LAMA2: variants seen among roughly 807,000 people sequenced by gnomAD.
The protein encoded by LAMA2 is laminin subunit alpha 2.
Under a neutral mutation model 364.8 loss-of-function variants are expected in LAMA2, and 269 were observed. The ratio of observed to expected loss-of-function variants is 0.74; its 90% CI spans 0.67 to 0.82. LAMA2 has a LOEUF of 0.82. LAMA2 is among the 40% of genes least tolerant of loss of function. The pLI is 0.00. For synonymous variants in LAMA2, 1,379 were observed against 1,370.6 expected, an observed-to-expected ratio of 1.01 and a Z score of -0.14; for missense variants, 3,807 against 3,873.2, an observed-to-expected ratio of 0.98 and a Z score of 0.45.
chr6:129,336,198 C>T (rs1378842959), intron 29 of LAMA2, among the ~76,000 whole-genome samples: 1 of 152,096 alleles, frequency 6.6e-6, no homozygotes, highest in Non-Finnish European at 1.5e-5. Context: ...ATGGCTCATG[C>T]CTGTAATCCT....
At chr6:129,376,328 A>G (rs952810657) in intron 34 of LAMA2, among the ~76,000 whole-genome samples, 1 of 152,182 alleles carries the variant, frequency 6.6e-6, no homozygotes, top group African/African-American at 2.4e-5. Flanking sequence ...TATGGCATTC[A>G]TCTCTACTAC....
chr6:129,113,875 A>G (rs530396486), intron 4 of LAMA2, among the ~76,000 whole-genome samples: 116 of 152,118 alleles, frequency 7.6e-4, no homozygotes, highest in Non-Finnish European at 1.4e-3. Context: ...AAGGCCCTAC[A>G]CTAGGACTCA....
In LAMA2 at chr6:129,369,914, C is replaced by G. The variant is rs771044261; in HGVS notation, c.4883C>G (p.Ala1628Gly). The change falls in exon 34 of 65, where the codon GCC (alanine) becomes GGC (glycine). Residue 1628 changes from alanine to glycine, a missense_variant. This residue lies in a region of LAMA2 where 3,333 missense variants were observed against 3,345.7 expected (regional missense o/e 1.00). Transcript: ENST00000421865. Reference sequence around the variant, plus strand: ...CAGCACTTGCTGTCACCTCAGCGGGCCCCAGAGAGGCTTATTCAGCTGGCA... The same window carrying G: ...CAGCACTTGCTGTCACCTCAGCGGGGCCCAGAGAGGCTTATTCAGCTGGCA... ...ELKHLLSPQR[A>G]PERLIQLAEG... 1 of 1,613,916 alleles carries G rather than the reference C, an allele frequency of 6.2e-7. No individual in the cohort carries two copies. The highest frequency in any genetic ancestry group is 8.5e-7 in the Non-Finnish European group (1 of 1,179,952).
intron 1 of LAMA2, among the ~76,000 whole-genome samples, chr6:128,978,568 A>T (rs1782672479): frequency 6.6e-6 from 1 of 151,938 alleles, no homozygotes; most frequent in South Asian, 2.1e-4. Context: ...TGCATGCCTG[A>T]GCCTCCCAAA....
At chr6:129,057,979 A>T (rs935480219) in intron 2 of LAMA2, among the ~76,000 whole-genome samples, 2 of 152,230 alleles carry the variant, frequency 1.3e-5, no homozygotes, top group African/African-American at 4.8e-5. Context: ...ACCCCAAAGC[A>T]TCCTTAATCT....
chr6:129,350,662 G>T (rs1232203520), intron 31 of LAMA2, among the ~76,000 whole-genome samples: 1 of 152,152 alleles, frequency 6.6e-6, no homozygotes, highest in Admixed American at 6.5e-5. Context: ...TCCTTTGCTA[G>T]ATTCTCCTAG....
chr6:129,466,266 A>T (rs952976352), intron 51 of LAMA2, among the ~76,000 whole-genome samples: 11 of 151,924 alleles, frequency 7.2e-5, no homozygotes, highest in African/African-American at 2.7e-4. Context: ...TGTGATAGAG[A>T]TGTATGTAGC....
At chr6:129,123,812 G>A (rs1312952180) in intron 4 of LAMA2, among the ~76,000 whole-genome samples, 3 of 152,182 alleles carry the variant, frequency 2.0e-5, no homozygotes, top group African/African-American at 7.2e-5. Flanking sequence ...GAGATCTACT[G>A]TACCGCATAG....
chr6:129,297,219 A>G (rs551518703), intron 20 of LAMA2, among the ~76,000 whole-genome samples: 63 of 152,216 alleles, frequency 4.1e-4, no homozygotes, highest in Non-Finnish European at 8.1e-4. Context: ...ATCAAATATT[A>G]GGGCAAAAAG....
intron 1 of LAMA2, among the ~76,000 whole-genome samples, chr6:128,979,631 C>T (rs1257727839): frequency 6.6e-6 from 1 of 152,194 alleles, no homozygotes; most frequent in Non-Finnish European, 1.5e-5. Context: ...TCACCTCTTG[C>T]AAGAACAAAC....
At chr6:128,988,365 A>G (rs1406740420) in intron 1 of LAMA2, among the ~76,000 whole-genome samples, 1 of 152,226 alleles carries the variant, frequency 6.6e-6, no homozygotes, top group Admixed American at 6.5e-5. Flanking sequence ...TGGACTAAAA[A>G]AAAAATTTGA....
At chr6:129,415,132 C>T (rs1780717990) in intron 40 of LAMA2, among the ~76,000 whole-genome samples, 1 of 152,156 alleles carries the variant, frequency 6.6e-6, no homozygotes. Context: ...CTCATTCTTC[C>T]CTTTAGCTTC....
intron 61 of LAMA2, among the ~76,000 whole-genome samples, chr6:129,506,870 C>T (rs987648702): frequency 5.9e-5 from 9 of 152,122 alleles, no homozygotes; most frequent in African/African-American, 1.9e-4. Flanking sequence ...TGAAGTGACA[C>T]TGGTACAAGC....
intron 1 of LAMA2, among the ~76,000 whole-genome samples, chr6:128,926,295 G>T (rs1316872939): frequency 6.6e-6 from 1 of 151,996 alleles, no homozygotes; most frequent in Admixed American, 6.6e-5. Flanking sequence ...GGCAATAGAG[G>T]TTAGAGTATG....
chr6:129,468,106 T>G (rs1186189646), intron 51 of LAMA2, among the ~76,000 whole-genome samples: 1 of 151,886 alleles, frequency 6.6e-6, no homozygotes, highest in Non-Finnish European at 1.5e-5. Context: ...TTTGCCTTTC[T>G]GAATACTCCT....
chr6:129,095,833 G>A (rs143984770), intron 3 of LAMA2, among the ~76,000 whole-genome samples: 1 of 151,854 alleles, frequency 6.6e-6, no homozygotes, highest in Non-Finnish European at 1.5e-5. Context: ...TGAGGCAGGA[G>A]AATTGCTTGA....
intron 2 of LAMA2, among the ~76,000 whole-genome samples, chr6:129,058,431 T>C (rs1788636632): frequency 7.0e-6 from 1 of 142,176 alleles, no homozygotes; most frequent in African/African-American, 2.7e-5. Context: ...CTATCTCTAA[T>C]CTCCCTTTTG....
intron 1 of LAMA2, among the ~76,000 whole-genome samples, chr6:128,923,554 T>C (rs1778885271): frequency 6.6e-6 from 1 of 152,092 alleles, no homozygotes; most frequent in Non-Finnish European, 1.5e-5. Context: ...ATAACTATAT[T>C]AAAAGGGGAT....
At chr6:129,454,086 C>T in intron 46 of LAMA2, 69 bp from the exon 47 acceptor site, 2 of 1,351,136 alleles carry the variant, frequency 1.5e-6, no homozygotes, top group South Asian at 2.4e-5. Context: ...TTGAAAAACA[C>T]TCTGCTGGTC....
Sources: gnomAD v4.1 joint callset for allele counts (sites outside exome capture counted in the v4.1 genomes callset) on GRCh38, gnomAD v4.1.1 for gene constraint, gnomAD v4.1.1 regional missense constraint, MANE v1.5 for transcripts, NCBI Gene and HGNC (gene_info 2026-07-23, HGNC 2026-07-21) for gene names.